The following RIN2 variants were observed in gnomAD, a reference collection of about 807,000 sequenced individuals.
RIN2 encodes the protein RAB5 interacting protein 2.
In RIN2, 36 loss-of-function variants were observed where a neutral mutation model predicts 78.0. The observed-to-expected ratio is 0.46, with a 90% CI of 0.35 to 0.61. The LOEUF is 0.61. Ranked by LOEUF, RIN2 falls within the 20% of genes least tolerant of loss-of-function variation. RIN2 has a pLI of 0.00. For synonymous variants in RIN2, 466 were observed against 466.8 expected (o/e 1.00, Z 0.02); for missense variants, 1,087 against 1,159.7 (o/e 0.94, Z 0.91).
At chr20:19,898,090 C>G (rs2038816419) in intron 3 of RIN2, among the ~76,000 whole-genome samples, 1 of 152,186 alleles carries the variant, frequency 6.6e-6, no homozygotes, top group Admixed American at 6.5e-5. Context: ...GTCAGCGCCC[C>G]CAAGGCATGA....
chr20:19,893,740 C>T (rs749983974), intron 3 of RIN2, among the ~76,000 whole-genome samples: 2 of 152,200 alleles, frequency 1.3e-5, no homozygotes, highest in Non-Finnish European at 2.9e-5. Context: ...TAATTTTCCA[C>T]AACCATCTGG....
At chr20:19,927,079 A>G (rs2040254196) in intron 3 of RIN2, among the ~76,000 whole-genome samples, 1 of 152,134 alleles carries the variant, frequency 6.6e-6, no homozygotes, top group Non-Finnish European at 1.5e-5. Flanking sequence ...GCAGACAGGC[A>G]GGAGGAGATT....
intron 7 of RIN2, among the ~76,000 whole-genome samples, chr20:19,969,657 C>T (rs1215306504): frequency 6.6e-6 from 1 of 152,192 alleles, no homozygotes; most frequent in Non-Finnish European, 1.5e-5. Flanking sequence ...CCGTCTGTTT[C>T]GTTCCCAGCC....
intron 2 of RIN2, among the ~76,000 whole-genome samples, chr20:19,866,939 T>C (rs2037528815): frequency 6.6e-6 from 1 of 152,198 alleles, no homozygotes; most frequent in Non-Finnish European, 1.5e-5. Context: ...TAATTTATTT[T>C]TCAACACACA....
At chr20:19,815,699 C>G (rs1039371400) in intron 2 of RIN2, among the ~76,000 whole-genome samples, 1 of 152,170 alleles carries the variant, frequency 6.6e-6, no homozygotes, top group African/African-American at 2.4e-5. Flanking sequence ...ATTTTTCATT[C>G]CTGAGCACTG....
At chr20:19,924,366 C>T (rs2040096963) in intron 3 of RIN2, among the ~76,000 whole-genome samples, 1 of 60,094 alleles carries the variant, frequency 1.7e-5, no homozygotes, top group Admixed American at 2.1e-4. Flanking sequence ...ATACCCCCAC[C>T]TTCATACCCT....
intron 2 of RIN2, among the ~76,000 whole-genome samples, chr20:19,812,767 C>A (rs16981162): frequency 0.11 from 17,236 of 152,150 alleles, 2,883 homozygotes; most frequent in African/African-American, 0.37. Context: ...ATCAGACTTT[C>A]AATCTTTTGT....
intron 1 of RIN2, among the ~76,000 whole-genome samples, chr20:19,761,609 A>G (rs2033644182): frequency 6.6e-6 from 1 of 152,216 alleles, no homozygotes. Context: ...GTCTAGGCCA[A>G]CTTCCAAGGA....
rs750933083 is a variant in RIN2 at position 19,975,455 on chromosome 20, T to C, written c.1430T>C (p.Ile477Thr). ...ESDQETMAPPIKSKKKRSSSF... is the reference protein window; with the variant it reads ...ESDQETMAPPTKSKKKRSSSF... Reference sequence around the variant, plus strand: ...GACCAAGAGACCATGGCGCCCCCCATCAAGTCCAAAAAGAAAAGGAGCAGC... The same window carrying C: ...GACCAAGAGACCATGGCGCCCCCCACCAAGTCCAAAAAGAAAAGGAGCAGC... The change falls in exon 9 of 13, where the codon ATC becomes ACC. Residue 477 changes from isoleucine to threonine, a missense_variant. This residue lies in a region of RIN2 where 706 missense variants were observed against 667.5 expected (regional missense o/e 1.06). Transcript: ENST00000255006. This position sits in a 1 kb window ranked among gnomAD's most constrained non-coding sequence, Gnocchi z 4.9. The C allele has an allele frequency of 1.2e-6, 2 of 1,613,932 alleles. No homozygotes were observed. The highest frequency in any genetic ancestry group is 1.7e-6 in the Non-Finnish European group (2 of 1,179,872).
chr20:19,928,340 G>A (rs13037576), intron 3 of RIN2, among the ~76,000 whole-genome samples: 12,259 of 152,178 alleles, frequency 0.081, 779 homozygotes, highest in African/African-American at 0.18. Context: ...ACCGGGGCCC[G>A]AGACAGGATT....
chr20:19,975,845 A>T lies in RIN2; in HGVS notation c.1762+58A>T. On this transcript the variant is annotated intron_variant, in intron 9 of 12. Transcript: ENST00000255006. This position sits in a 1 kb window ranked among gnomAD's most constrained non-coding sequence, Gnocchi z 4.9. ...ATTGTAACTCTGTCCGGGCAGTGCA[A>T]CCTATGTTTGTTATTTTTTATGAAG... The T allele has an allele frequency of 6.9e-7, 1 of 1,457,400 alleles. No individual in the cohort carries two copies. Among genetic ancestry groups the T allele is most frequent in the Non-Finnish European group, 9.4e-7 (1 of 1,062,258 alleles). The allele number at this position is 1,457,400 out of a possible 1,614,324, so 90.3% of individuals were successfully genotyped here. A position where few individuals can be genotyped will look rare whatever the true frequency, so the allele number is the denominator to read the frequency against.
intron 2 of RIN2, among the ~76,000 whole-genome samples, chr20:19,877,681 T>C (rs1366608043): frequency 6.6e-6 from 1 of 152,128 alleles, no homozygotes; most frequent in African/African-American, 2.4e-5. Flanking sequence ...CCGAACCTTA[T>C]ACTTTTGCAA....
In RIN2 at chr20:19,812,289, C is replaced by G. The variant is rs1438830299; in HGVS notation, c.-37+12542C>G. Among the ~76,000 whole-genome samples the G allele has an allele frequency of 2.0e-5, 3 of 152,048 alleles. No homozygotes were observed. The South Asian group carries it at 6.2e-4, about 32-fold the overall frequency. On this transcript the variant is annotated intron_variant, in intron 2 of 12. Coordinates refer to ENST00000255006, the MANE Select transcript of RIN2 (RefSeq NM_018993.4). ...TATGTTTATTTCTTTAAGAAACTACCCAACTGTTTTCCGAAGAGACTGTAC... is the reference window on the plus strand; with the variant it reads ...TATGTTTATTTCTTTAAGAAACTACGCAACTGTTTTCCGAAGAGACTGTAC...
chr20:19,992,429 C>A, intron 11 of RIN2, 130 bp downstream of exon 11: 1 of 889,294 alleles, frequency 1.1e-6, no homozygotes, highest in Non-Finnish European at 1.6e-6. Context: ...TTAGTATATT[C>A]ACAATGTCAT....
At chr20:19,915,581 C>T (rs886262920) in intron 3 of RIN2, among the ~76,000 whole-genome samples, 13 of 152,210 alleles carry the variant, frequency 8.5e-5, no homozygotes, top group African/African-American at 3.1e-4. Context: ...AAGGGTGTCT[C>T]AGCAGATGTC....
intron 2 of RIN2, among the ~76,000 whole-genome samples, chr20:19,847,696 G>T (rs552194701): frequency 2.0e-4 from 31 of 152,168 alleles, no homozygotes; most frequent in African/African-American, 7.2e-4. Context: ...TTTGAAATTG[G>T]TTACATATTT....
chr20:19,867,484 T>A (rs1289849426), intron 2 of RIN2, among the ~76,000 whole-genome samples: 1 of 152,246 alleles, frequency 6.6e-6, no homozygotes, highest in Non-Finnish European at 1.5e-5. Context: ...TTGTCACTTC[T>A]GTTTAGAGAC....
intron 6 of RIN2, among the ~76,000 whole-genome samples, chr20:19,963,278 A>C (rs1443210309): frequency 1.3e-5 from 2 of 152,078 alleles, no homozygotes; most frequent in African/African-American, 4.8e-5. Flanking sequence ...AGCGGTATGG[A>C]TGTTTTTTGG....
At chr20:19,841,901 A>G (rs185806681) in intron 2 of RIN2, among the ~76,000 whole-genome samples, 16 of 152,380 alleles carry the variant, frequency 1.1e-4, no homozygotes, top group Middle Eastern at 3.4e-3. Flanking sequence ...AAGATAATTG[A>G]TAATTGCAAC....
Sources: allele counts gnomAD v4.1 joint callset (sites outside exome capture counted in the v4.1 genomes callset), GRCh38; gene constraint gnomAD v4.1.1; regional missense constraint gnomAD v4.1.1; non-coding constraint Gnocchi (gnomAD v3.1); transcripts MANE v1.5; gene names NCBI Gene and HGNC (gene_info 2026-07-23, HGNC 2026-07-21).